Variants in RELL1 observed in about 807,000 individuals in gnomAD.
RELL1 encodes RELT-like protein 1.
RELL1 carries 10 observed loss-of-function variants against 23.0 expected under a neutral mutation model. The ratio of observed to expected loss-of-function variants is 0.43; its 90% CI spans 0.27 to 0.74. The LOEUF (loss-of-function observed/expected upper bound fraction) is 0.74, where lower values mean the gene tolerates loss of function less well. Ranked by LOEUF, RELL1 falls within the 30% of genes least tolerant of loss-of-function variation. RELL1 has a pLI of 0.19. For missense variants in RELL1, 315 were observed against 364.4 expected, an observed-to-expected ratio of 0.86 and a Z score of 1.10; for synonymous variants, 146 against 146.8, an observed-to-expected ratio of 0.99 and a Z score of 0.04.
chr4:37,628,455 C>T (rs533827042), intron 6 of RELL1, among the ~76,000 whole-genome samples: 3 of 152,274 alleles, frequency 2.0e-5, no homozygotes, highest in Non-Finnish European at 2.9e-5. Context: ...ACCCAAAAAA[C>T]TGTAGGTATT....
chr4:37,671,709 A>G (rs1194400140), intron 1 of RELL1, among the ~76,000 whole-genome samples: 1 of 151,942 alleles, frequency 6.6e-6, no homozygotes, highest in Non-Finnish European at 1.5e-5. Flanking sequence ...AAAATAGCCA[A>G]CCAGCAGCCC....
downstream of RELL1, chr4:37,588,753 C>T: frequency 1.1e-6 from 1 of 883,052 alleles, no homozygotes; most frequent in Non-Finnish European, 1.9e-6. Flanking sequence ...TCTCTTAATA[C>T]ATTTTGAGTC....
At position 37,612,358 on chromosome 4, in the gene RELL1, G is replaced by A. The variant is rs561805215; in HGVS notation, c.*988C>T. Reference sequence around the variant, plus strand: ...AAAAAACAAAAAAAAACAAAAAACCGGGTGCAGTGGCCCACGCCTATATTC... The same window carrying A: ...AAAAAACAAAAAAAAACAAAAAACCAGGTGCAGTGGCCCACGCCTATATTC... On this transcript the variant is annotated 3_prime_UTR_variant, in exon 7 of 7. Transcript: ENST00000454158. 1.5e-4 allele frequency among the ~76,000 whole-genome samples: 23 copies of A among 149,396 alleles called. 1 individual carries two copies. Among genetic ancestry groups the A allele is most frequent in the Admixed American group, 4.7e-4 (7 of 15,038 alleles).
In RELL1 at chr4:37,612,910, G is replaced by C. The variant is rs1380909472; in HGVS notation, c.*436C>G. 2.0e-5 allele frequency: 3 copies of C among 152,168 alleles called. No homozygotes were observed. The highest frequency in any genetic ancestry group is 7.2e-5 in the African/African-American group (3 of 41,410). The allele number at this position is 152,168 out of a possible 1,614,324, so 9.4% of individuals were successfully genotyped here. ...ACAACCAGTGTCAAAATAGGATGCA[G>C]GAACTGGAAAAAGAAACACACACTC... On this transcript the variant is annotated 3_prime_UTR_variant, in exon 7 of 7. Coordinates refer to ENST00000454158, the MANE Select transcript of RELL1 (RefSeq NM_001085400.2).
chr4:37,683,757 C>A (rs1722297791), intron 1 of RELL1, among the ~76,000 whole-genome samples: 1 of 148,934 alleles, frequency 6.7e-6, no homozygotes, highest in African/African-American at 2.5e-5. Context: ...GACTCTGTCT[C>A]AAAAAACAAT....
intron 1 of RELL1, among the ~76,000 whole-genome samples, chr4:37,652,711 C>T (rs1303750702): frequency 6.6e-6 from 1 of 152,214 alleles, no homozygotes; most frequent in African/African-American, 2.4e-5. Context: ...GTGAATTTGA[C>T]ATGTGGCAAC....
intron 6 of RELL1, among the ~76,000 whole-genome samples, chr4:37,614,989 G>C (rs527518751): frequency 6.6e-6 from 1 of 152,078 alleles, no homozygotes; most frequent in Non-Finnish European, 1.5e-5. Context: ...AAAAAGGAGG[G>C]GCCTGGATTC....
At chr4:37,647,192 C>A (rs940784252) in intron 3 of RELL1, among the ~76,000 whole-genome samples, 176 bp downstream of exon 3, 1 of 152,174 alleles carries the variant, frequency 6.6e-6, no homozygotes, top group Non-Finnish European at 1.5e-5. Context: ...GACCGACTCA[C>A]GCTTAGAAAA....
At chr4:37,631,956 G>A (rs1720150967) in intron 5 of RELL1, among the ~76,000 whole-genome samples, 1 of 151,670 alleles carries the variant, frequency 6.6e-6, no homozygotes. Flanking sequence ...GTGTGCACTT[G>A]TAGTCCCAGC....
At chr4:37,639,383 CAAAAAAAAAA>C (rs58310167) in intron 3 of RELL1, among the ~76,000 whole-genome samples, 5 of 66,260 alleles carry the variant, frequency 7.5e-5, no homozygotes, top group Non-Finnish European at 5.6e-5. Context: ...GACTCTGTCT[CAAAAAAAAAA>C]AAAAAAAAAA....
chr4:37,634,828 G>A, intron 5 of RELL1, 59 bp downstream of exon 5: 1 of 1,374,938 alleles, frequency 7.3e-7, no homozygotes, highest in Non-Finnish European at 1.0e-6. Flanking sequence ...GTAAGCAGAA[G>A]TCCACACACC....
rs1406933716 is a variant in RELL1 at position 37,612,051 on chromosome 4, C to T, written c.*1295G>A. On this transcript the variant is annotated 3_prime_UTR_variant, in exon 7 of 7. Coordinates refer to ENST00000454158, the MANE Select transcript of RELL1 (RefSeq NM_001085400.2). ...AATAAGCCAAGCGTGGTGGTGGGCA[C>T]CTGTAGTCCCAGCTACTCAGGAGGC... 1.3e-5 allele frequency among the ~76,000 whole-genome samples: 2 copies of T among 151,804 alleles called. No homozygotes were observed. The highest frequency in any genetic ancestry group is 4.8e-5 in the African/African-American group (2 of 41,310).
At chr4:37,598,145 C>A (rs1178175979) in intron 6 of RELL1, among the ~76,000 whole-genome samples, 1 of 134,508 alleles carries the variant, frequency 7.4e-6, no homozygotes, top group Non-Finnish European at 1.6e-5. Context: ...GTCATGAGTT[C>A]TTTTTGTTGG....
At chr4:37,623,906 C>T (rs943376961) in intron 6 of RELL1, among the ~76,000 whole-genome samples, 15 of 151,976 alleles carry the variant, frequency 9.9e-5, no homozygotes, top group Admixed American at 3.3e-4. Flanking sequence ...TGCATTTTTT[C>T]CTGAAAAAAT....
rs1298370352 is a variant in RELL1 at position 37,624,450 on chromosome 4, C to G, written c.*3+6935G>C. On this transcript the variant is annotated intron_variant, in intron 6 of 6. Transcript: ENST00000454158. ...TTTTTTTTTTTTTGAGGCAGAGTCT[C>G]CCTCTGTCGCCCAGGCTGGAGTGCA... Among the ~76,000 whole-genome samples, 336 of 146,920 alleles carry G rather than the reference C, an allele frequency of 2.3e-3. 1 individual carries two copies. The highest frequency in any genetic ancestry group is 8.0e-3 in the African/African-American group (319 of 39,634).
intron 3 of RELL1, among the ~76,000 whole-genome samples, chr4:37,640,066 A>G (rs1053161839): frequency 2.0e-5 from 3 of 150,418 alleles, no homozygotes; most frequent in African/African-American, 7.3e-5. Context: ...CATATAAGAG[A>G]GTGAGTTTTT....
At chr4:37,604,127 T>C (rs1280773860) in intron 6 of RELL1, among the ~76,000 whole-genome samples, 2 of 151,998 alleles carry the variant, frequency 1.3e-5, no homozygotes, top group African/African-American at 2.4e-5. Context: ...AACCAATTGT[T>C]CAGGGCCAGC....
intron 1 of RELL1, among the ~76,000 whole-genome samples, chr4:37,670,044 A>C (rs1721774531): frequency 6.7e-6 from 1 of 149,984 alleles, no homozygotes; most frequent in Non-Finnish European, 1.5e-5. Flanking sequence ...TAAAAAAATA[A>C]ATAAATAAAT....
Position 37,624,418 on chromosome 4 carries a change from C to T in RELL1, c.*3+6967G>A, listed in dbSNP as rs200759737. ...GAAGGAAATGGTTCTTTCTTTCTTT[C>T]TTTTTTTTTTTTTTTTTTTGAGGCA... On this transcript the variant is annotated intron_variant, in intron 6 of 6. Coordinates refer to ENST00000454158, the MANE Select transcript of RELL1 (RefSeq NM_001085400.2). Among the ~76,000 whole-genome samples, 735 of 111,328 alleles carry T rather than the reference C, an allele frequency of 6.6e-3. 9 individuals carry two copies. Among genetic ancestry groups the T allele is most frequent in the African/African-American group, 0.025 (678 of 27,492 alleles). The allele number at this position is 111,328 out of a possible 152,430, so 73.0% of individuals were successfully genotyped here. A position where few individuals can be genotyped will look rare whatever the true frequency, so the allele number is the denominator to read the frequency against.
Sources: allele counts gnomAD v4.1 joint callset (sites outside exome capture counted in the v4.1 genomes callset), GRCh38; gene constraint gnomAD v4.1.1; transcripts MANE v1.5; gene names NCBI Gene and HGNC (gene_info 2026-07-23, HGNC 2026-07-21).